Variants in MOG observed in about 807,000 individuals in gnomAD.
MOG encodes myelin-oligodendrocyte glycoprotein.
A neutral mutation model predicts 35.9 loss-of-function variants in MOG; 20 were observed. The observed-to-expected ratio is 0.56, with a 90% CI of 0.39 to 0.81. MOG has a LOEUF of 0.81. Among genes scored for constraint, MOG ranks in the 30% least tolerant of loss-of-function variants. MOG has a pLI of 0.00. For synonymous variants in MOG, 92 were observed against 114.3 expected, an observed-to-expected ratio of 0.80 and a Z score of 1.25; for missense variants, 251 against 301.0, an observed-to-expected ratio of 0.83 and a Z score of 1.23.
At chr6:29,665,478 T>TA (rs1770011694) in intron 2 of MOG, among the ~76,000 whole-genome samples, 1 of 152,122 alleles carries the variant, frequency 6.6e-6, no homozygotes, top group Non-Finnish European at 1.5e-5. Context: ...ATAATTAAAA[T>TA]AAACACTAAA....
At chr6:29,669,425 G>C (rs1770970072) in intron 5 of MOG, among the ~76,000 whole-genome samples, 1 of 151,372 alleles carries the variant, frequency 6.6e-6, no homozygotes, top group South Asian at 2.1e-4. Context: ...CAAGTTGCTG[G>C]AACTACAGGC....
chr6:29,665,976 GA>G (rs11376183), intron 2 of MOG, among the ~76,000 whole-genome samples, 175 bp from the exon 3 acceptor site: 10,884 of 151,518 alleles, frequency 0.072, 730 homozygotes, highest in African/African-American at 0.17. Flanking sequence ...GCATTTCCTG[GA>G]AAAAAAAGCC....
At chr6:29,668,014 T>C (rs1248892768) in intron 5 of MOG, 90 bp downstream of exon 5, 4 of 1,200,088 alleles carry the variant, frequency 3.3e-6, no homozygotes, top group Non-Finnish European at 5.0e-6. Flanking sequence ...CCCTGGCTCC[T>C]GGTTGAGTCC....
intron 2 of MOG, among the ~76,000 whole-genome samples, chr6:29,665,928 A>G (rs954652301): frequency 1.3e-5 from 2 of 152,062 alleles, no homozygotes; most frequent in Non-Finnish European, 2.9e-5. Flanking sequence ...CCCAATACAC[A>G]ATCTTGACTT....
Position 29,659,567 on chromosome 6 carries a change from A to C in MOG, c.337A>C (p.Arg113=). The change falls in exon 2 of 8, where the codon AGG becomes CGG. Residue 113 remains arginine (R), a synonymous_variant. Transcript: ENST00000376917. ...TATTGGTGAGGGAAAGGTGACTCTC[A>C]GGATCCGGAATGTAAGGTTCTCAGA... ...DAIGEGKVTL[R]IRNVRFSDEG... is the part of the protein sequence containing the mutation. The C allele has an allele frequency of 6.2e-7, 1 of 1,613,118 alleles. No individual in the cohort carries two copies. Among genetic ancestry groups the C allele is most frequent in the South Asian group, 1.1e-5 (1 of 91,090 alleles).
chr6:29,657,755 C>T lies in MOG; in HGVS notation c.88+458C>T, dbSNP rs532956798. Among the ~76,000 whole-genome samples the T allele has an allele frequency of 3.3e-5, 5 of 151,412 alleles. No homozygotes were observed. The East Asian group carries it at 5.8e-4, about 18-fold the overall frequency. On this transcript the variant is annotated intron_variant, in intron 1 of 7. Transcript: ENST00000376917. Reference sequence around the variant, plus strand: ...CGATCTCTTGACCTGCTGATCCGCCCGCCTCAGCTTCCCAAAGTACTGGGA... The same window carrying T: ...CGATCTCTTGACCTGCTGATCCGCCTGCCTCAGCTTCCCAAAGTACTGGGA...
rs752974529 is a variant in MOG, at chr6:29,666,230, G to A, written c.515G>A (p.Gly172Asp). 1.9e-6 allele frequency: 3 copies of A among 1,612,160 alleles called. No homozygotes were observed. In the African/African-American group the frequency reaches 4.0e-5, roughly 22 times the overall value. ...GTGCTCCTCCTGCAGATCACTGTTG[G>A]CCTCATCTTCCTCTGCCTGCAGTAC... ...LPVLLLQITV[G>D]LIFLCLQYRL... Residue 172 changes from glycine to aspartate, a missense_variant, in exon 3 of 8, where the codon GGC becomes GAC. Transcript: ENST00000376917.
In MOG at chr6:29,670,634, AGGGAGGAT is replaced by A; in HGVS notation, c.710-65_710-58del. On this transcript the variant is annotated intron_variant, in intron 6 of 7. Coordinates refer to ENST00000376917, the MANE Select transcript of MOG (RefSeq NM_206809.4). The surrounding 1 kb of genome is among the most constrained non-coding windows in gnomAD (Gnocchi z 4.2). ...AGTGTGGGTCACTCCAAATGTCCATAGGGAGGATGTGGGGAAGGTGCTATTCATCTTCC... is the reference window on the plus strand; with the variant it reads ...AGTGTGGGTCACTCCAAATGTCCATAGTGGGGAAGGTGCTATTCATCTTCC... 3 of 1,599,688 alleles carry A rather than the reference AGGGAGGAT, an allele frequency of 1.9e-6. No homozygotes were observed. The highest frequency in any genetic ancestry group is 2.6e-6 in the Non-Finnish European group (3 of 1,172,916).
At chr6:29,661,829 A>C (rs1163052299) in intron 2 of MOG, 1 of 984,752 alleles carries the variant, frequency 1.0e-6, no homozygotes, top group Non-Finnish European at 1.2e-6. Context: ...AAAAAAAAAA[A>C]AAAAAAAAAC....
At chr6:29,664,759 C>T in intron 2 of MOG, 1 of 351,202 alleles carries the variant, frequency 2.8e-6, no homozygotes, top group Non-Finnish European at 5.6e-6. Flanking sequence ...CTTGTGTCAC[C>T]ATGCCCAGGT....
intron 1 of MOG, among the ~76,000 whole-genome samples, chr6:29,657,663 C>CT (rs9278226): frequency 6.3e-4 from 69 of 109,992 alleles, no homozygotes; most frequent in Non-Finnish European, 6.6e-4. Context: ...TTTTTCTTTT[C>CT]TTTTTTTTTT....
chr6:29,669,248 C>T (rs1179571649), intron 5 of MOG, among the ~76,000 whole-genome samples: 1 of 151,092 alleles, frequency 6.6e-6, no homozygotes, highest in Non-Finnish European at 1.5e-5. Context: ...CAAAGTAATA[C>T]ATTAAGTAAT....
chr6:29,668,737 CTA>C (rs1770759292), intron 5 of MOG, among the ~76,000 whole-genome samples: 1 of 152,186 alleles, frequency 6.6e-6, no homozygotes, highest in Non-Finnish European at 1.5e-5. Flanking sequence ...GAGGACTTGA[CTA>C]TGAAAGGTCT....
intron 2 of MOG, chr6:29,664,606 A>T (rs1256231440): frequency 8.1e-5 from 34 of 418,606 alleles, no homozygotes; most frequent in South Asian, 5.1e-4. Context: ...CCATCTCAGA[A>T]TTTTTTTTTT....
Position 29,671,573 on chromosome 6 carries a change from G to A in MOG, c.*388G>A, listed in dbSNP as rs1771464128. The stretch of plus-strand genomic sequence containing the variant: ...CTGAAAATTACAGTATGGTAACTTT[G>A]CAAATGGTGGTTGTTTCTTCCAAGA... On this transcript the variant is annotated 3_prime_UTR_variant, in exon 8 of 8. Coordinates refer to ENST00000376917, the MANE Select transcript of MOG (RefSeq NM_206809.4). 2.5e-6 allele frequency: 2 copies of A among 791,520 alleles called. No homozygotes were observed. Among genetic ancestry groups the A allele is most frequent in the Non-Finnish European group, 4.5e-6 (2 of 448,744 alleles). The allele number at this position is 791,520 out of a possible 1,614,324, so 49.0% of individuals were successfully genotyped here.
chr6:29,663,512 T>C (rs1209003412), intron 2 of MOG, among the ~76,000 whole-genome samples: 1 of 152,174 alleles, frequency 6.6e-6, no homozygotes, highest in African/African-American at 2.4e-5. Flanking sequence ...GTCTGAATTT[T>C]GTTGACGACA....
At position 29,670,138 on chromosome 6, in the gene MOG, A is replaced by C. The variant is rs1274062094; in HGVS notation, c.593-143A>C. Reference sequence around the variant, plus strand: ...AAAATAAGGAGGCAGTACTTTTCTCATCCAAGTTCATGGACTTTCTGAATT... The same window carrying C: ...AAAATAAGGAGGCAGTACTTTTCTCCTCCAAGTTCATGGACTTTCTGAATT... On this transcript the variant is annotated intron_variant, in intron 5 of 7. Transcript: ENST00000376917. The surrounding 1 kb of genome is among the most constrained non-coding windows in gnomAD (Gnocchi z 4.2). 2.1e-5 allele frequency: 29 copies of C among 1,395,846 alleles called. No homozygotes were observed. Among genetic ancestry groups the C allele is most frequent in the Non-Finnish European group, 3.0e-5 (29 of 981,268 alleles). The allele number at this position is 1,395,846 out of a possible 1,614,324, so 86.5% of individuals were successfully genotyped here. A position where few individuals can be genotyped will look rare whatever the true frequency, so the allele number is the denominator to read the frequency against.
In MOG at chr6:29,657,180, G is replaced by A. The variant is rs762971636; in HGVS notation, c.-30G>A. ...CCTCCACTTGGCCTGACCTTGCTGC[G>A]GGGGCTCTCTGTCCCCAGGAACAGT... On this transcript the variant is annotated 5_prime_UTR_variant, in exon 1 of 8. Coordinates refer to ENST00000376917, the MANE Select transcript of MOG (RefSeq NM_206809.4). 83 of 1,543,828 alleles carry A rather than the reference G, an allele frequency of 5.4e-5. No homozygotes were observed. The highest frequency in any genetic ancestry group is 1.6e-4 in the South Asian group (14 of 89,288).
chr6:29,670,642 T>A lies in MOG; in HGVS notation c.710-59T>A. On this transcript the variant is annotated intron_variant, in intron 6 of 7. Transcript: ENST00000376917. This position sits in a 1 kb window ranked among gnomAD's most constrained non-coding sequence, Gnocchi z 4.2. ...TCACTCCAAATGTCCATAGGGAGGA[T>A]GTGGGGAAGGTGCTATTCATCTTCC... 6.2e-7 allele frequency: 1 copy of A among 1,603,216 alleles called. No individual in the cohort carries two copies.
Sources: allele counts gnomAD v4.1 joint callset (sites outside exome capture counted in the v4.1 genomes callset), GRCh38; gene constraint gnomAD v4.1.1; non-coding constraint Gnocchi (gnomAD v3.1); transcripts MANE v1.5; gene names NCBI Gene and HGNC (gene_info 2026-07-23, HGNC 2026-07-21).